Variants in GNG4 observed in about 807,000 individuals in gnomAD.
GNG4 encodes the protein G protein subunit gamma 4.
GNG4 carries 4 observed loss-of-function variants against 5.8 expected under a neutral mutation model. The ratio of observed to expected loss-of-function variants is 0.69; its 90% confidence interval spans 0.34 to 1.57. GNG4 has a LOEUF of 1.57. GNG4 is among the 40% of genes most tolerant of loss of function. The pLI, the probability that GNG4 is intolerant of heterozygous loss-of-function variation, is 0.06. For synonymous variants in GNG4, 29 were observed against 32.9 expected, an observed-to-expected ratio of 0.88 and a Z score of 0.41; for missense variants, 96 against 95.1, an observed-to-expected ratio of 1.01 and a Z score of -0.04.
At chr1:235,563,357 G>C (rs1256525157) in intron 3 of GNG4, among the ~76,000 whole-genome samples, 1 of 120,336 alleles carries the variant, frequency 8.3e-6, no homozygotes, top group Non-Finnish European at 1.6e-5. Context: ...AGTGAGCAGA[G>C]ATCGCCCCAC....
intron 1 of GNG4, among the ~76,000 whole-genome samples, chr1:235,611,260 T>C (rs1277559121): frequency 6.6e-6 from 1 of 151,652 alleles, no homozygotes; most frequent in Admixed American, 6.6e-5. Context: ...CTCAACTTCC[T>C]GGGCTTAAGT....
At chr1:235,592,682 G>A (rs1688000662) in intron 2 of GNG4, among the ~76,000 whole-genome samples, 1 of 152,162 alleles carries the variant, frequency 6.6e-6, no homozygotes, top group African/African-American at 2.4e-5. Flanking sequence ...CTGGCTTGAA[G>A]ATAGCCGCCC....
intron 1 of GNG4, among the ~76,000 whole-genome samples, chr1:235,628,179 T>TCAA (rs1042111537): frequency 1.3e-4 from 20 of 151,968 alleles, no homozygotes; most frequent in Non-Finnish European, 2.5e-4. Context: ...AAACTCTGTC[T>TCAA]CAACAACAAC....
intron 3 of GNG4, among the ~76,000 whole-genome samples, chr1:235,556,624 C>T (rs1358681362): frequency 2.6e-5 from 4 of 151,348 alleles, no homozygotes; most frequent in Admixed American, 1.3e-4. Flanking sequence ...CTACAGCCGT[C>T]CCCAACGTTT....
intron 3 of GNG4, among the ~76,000 whole-genome samples, chr1:235,568,019 A>G (rs1486242498): frequency 6.6e-6 from 1 of 152,172 alleles, no homozygotes; most frequent in African/African-American, 2.4e-5. Flanking sequence ...CCCCAGCAGC[A>G]GGACTGTAAC....
chr1:235,635,630 G>A (rs1481091728), intron 1 of GNG4, among the ~76,000 whole-genome samples: 1 of 21,422 alleles, frequency 4.7e-5, no homozygotes, highest in African/African-American at 3.1e-4. Flanking sequence ...CTGCAGAACT[G>A]TCGGCTAAAT....
intron 2 of GNG4, among the ~76,000 whole-genome samples, chr1:235,587,450 GA>G (rs1687813244): frequency 9.7e-5 from 6 of 61,930 alleles, no homozygotes; most frequent in African/African-American, 2.3e-4. Context: ...GAGCGTGTGT[GA>G]GGGTACAGGG....
chr1:235,601,919 A>G (rs1012412271), intron 1 of GNG4, among the ~76,000 whole-genome samples: 9 of 152,120 alleles, frequency 5.9e-5, no homozygotes, highest in Non-Finnish European at 1.2e-4. Flanking sequence ...GGAGGCATCA[A>G]TGTCCCCTGG....
At chr1:235,616,248 A>T (rs527481750) in intron 1 of GNG4, 1 of 505,518 alleles carries the variant, frequency 2.0e-6, no homozygotes, top group African/African-American at 1.9e-5. Context: ...GCTGTGGTTG[A>T]TATGTTCCCT....
rs1553365429 is a variant in GNG4 at position 235,570,945 on chromosome 1, C to CATATAT, written c.99+12789_99+12794dup. On this transcript the variant is annotated intron_variant, in intron 3 of 3. Coordinates refer to ENST00000391854, the MANE Select transcript of GNG4 (RefSeq NM_001098722.2). ...ATATACACACACACACACACACACA[C>CATATAT]ATATATATATACATACCTTTTTTTT... 4.9e-3 allele frequency among the ~76,000 whole-genome samples: 569 copies of CATATAT among 115,632 alleles called. 5 individuals carry two copies. The highest frequency in any genetic ancestry group is 0.018 in the African/African-American group (537 of 30,276). 75.9% of individuals were successfully genotyped at this position (115,632 alleles called of 152,430 possible). A position where few individuals can be genotyped will look rare whatever the true frequency, so the allele number is the denominator to read the frequency against.
intron 1 of GNG4, among the ~76,000 whole-genome samples, chr1:235,601,649 G>C (rs1688260378): frequency 6.6e-6 from 1 of 152,212 alleles, no homozygotes; most frequent in African/African-American, 2.4e-5. Context: ...CATGGTGACA[G>C]GGCAGGTGGC....
chr1:235,581,738 A>G (rs1296895832), intron 3 of GNG4, among the ~76,000 whole-genome samples: 1 of 152,120 alleles, frequency 6.6e-6, no homozygotes, highest in Non-Finnish European at 1.5e-5. Flanking sequence ...ACCCAGTCCC[A>G]GGGATTTCTT....
chr1:235,647,693 G>A (rs1257250633), intron 1 of GNG4, among the ~76,000 whole-genome samples: 1 of 152,186 alleles, frequency 6.6e-6, no homozygotes, highest in Non-Finnish European at 1.5e-5. Flanking sequence ...AGAGTGCAGT[G>A]GCACCATCTC....
chr1:235,626,958 CAAAAAAAAAAAA>C (rs776506587), intron 1 of GNG4, among the ~76,000 whole-genome samples: 838 of 76,918 alleles, frequency 0.011, no homozygotes, highest in African/African-American at 0.031. Flanking sequence ...GACTCTATCT[CAAAAAAAAAAAA>C]AAAAAAAAAA....
chr1:235,555,204 C>T (rs962353244), intron 3 of GNG4, among the ~76,000 whole-genome samples: 3 of 152,136 alleles, frequency 2.0e-5, no homozygotes, highest in African/African-American at 7.2e-5. Context: ...ATCTGACAAC[C>T]TGTCCAGTCC....
rs1351959575 is a variant in GNG4, at chr1:235,642,849, C to T, written c.-123+6813G>A. On this transcript the variant is annotated intron_variant, in intron 1 of 3. Coordinates refer to ENST00000391854, the MANE Select transcript of GNG4 (RefSeq NM_001098722.2). The surrounding 1 kb of genome is among the most constrained non-coding windows in gnomAD (Gnocchi z 4.3). ...TCTGCTCAGCTCTGCACGTACATGC[C>T]CCCTCGATGTCACCTCCTGACTTGG... Among the ~76,000 whole-genome samples, 3 of 152,048 alleles carry T rather than the reference C, an allele frequency of 2.0e-5. No homozygotes were observed. Among genetic ancestry groups the T allele is most frequent in the East Asian group, 3.9e-4 (2 of 5,152 alleles).
chr1:235,609,944 G>T (rs1033934039), intron 1 of GNG4, among the ~76,000 whole-genome samples: 6 of 152,134 alleles, frequency 3.9e-5, no homozygotes, highest in African/African-American at 1.4e-4. Flanking sequence ...CTGCCTGTCA[G>T]CCCTGAATAC....
intron 1 of GNG4, among the ~76,000 whole-genome samples, chr1:235,633,417 A>T (rs1688972960): frequency 6.6e-6 from 1 of 152,208 alleles, no homozygotes; most frequent in African/African-American, 2.4e-5. Flanking sequence ...AGTGCTGGGA[A>T]GCCTCCGAGC....
chr1:235,597,462 C>T (rs1571905264), intron 1 of GNG4, among the ~76,000 whole-genome samples: 1 of 148,654 alleles, frequency 6.7e-6, no homozygotes, highest in Admixed American at 6.8e-5. Context: ...GAGGTGGGAC[C>T]TCTGAGAGGT....
Sources: allele counts gnomAD v4.1 joint callset (sites outside exome capture counted in the v4.1 genomes callset), GRCh38; gene constraint gnomAD v4.1.1; non-coding constraint Gnocchi (gnomAD v3.1); transcripts MANE v1.5; gene names NCBI Gene and HGNC (gene_info 2026-07-23, HGNC 2026-07-21).